Variants in SYNE1 observed in about 807,000 individuals in gnomAD.
The protein encoded by SYNE1 is nesprin-1.
In SYNE1, 616 loss-of-function variants were observed where a neutral mutation model predicts 1,111.0. That is an observed-to-expected ratio of 0.55 (90% CI 0.52 to 0.59). The LOEUF (loss-of-function observed/expected upper bound fraction) is 0.59, where lower values mean the gene tolerates loss of function less well. Ranked by LOEUF, SYNE1 falls within the 20% of genes least tolerant of loss-of-function variation. The pLI, the probability that SYNE1 is intolerant of heterozygous loss-of-function variation, is 0.00. For synonymous variants in SYNE1, 3,855 were observed against 3,825.8 expected (o/e 1.01, Z -0.28); for missense variants, 10,006 against 10,417.0 (o/e 0.96, Z 1.72).
At chr6:152,251,510 G>A (rs1454409499) in intron 104 of SYNE1, among the ~76,000 whole-genome samples, 1 of 151,974 alleles carries the variant, frequency 6.6e-6, no homozygotes, top group Non-Finnish European at 1.5e-5. Flanking sequence ...TGTAATCCCA[G>A]CACTTTGGGA....
chr6:152,401,341 A>G lies in SYNE1; in HGVS notation c.6826T>C (p.Phe2276Leu). 1 of 1,613,182 alleles carries G rather than the reference A, an allele frequency of 6.2e-7. No homozygotes were observed. Among genetic ancestry groups the G allele is most frequent in the East Asian group, 2.2e-5 (1 of 44,866 alleles). The part of the protein sequence containing the change: ...KNLETPPDLQ[F>L]IEADLMQKLE... Reference sequence around the variant, plus strand: ...TTCTGCATTAAGTCTGCTTCTATAAACTAAATATCAAGCAAGATTTCATCA... The same window carrying G: ...TTCTGCATTAAGTCTGCTTCTATAAGCTAAATATCAAGCAAGATTTCATCA... The change falls in exon 47 of 146, where the codon TTT (phenylalanine) becomes CTT (leucine). Residue 2276 changes from phenylalanine (F) to leucine (L), a missense_variant and splice_region_variant. Phe to Leu is a conservative substitution (Grantham distance 22, BLOSUM62 0). Around this residue, in one of 7 missense-constraint regions of SYNE1, gnomAD observed 4,955 missense variants for 5,017.2 expected, o/e 0.99. Coordinates refer to ENST00000367255, the MANE Select transcript of SYNE1 (RefSeq NM_182961.4).
intron 6 of SYNE1, among the ~76,000 whole-genome samples, chr6:152,514,035 G>A (rs767720186): frequency 1.2e-4 from 18 of 152,184 alleles, no homozygotes; most frequent in Admixed American, 4.6e-4. Context: ...TGGTGGGAGT[G>A]TAAATTAGTT....
intron 23 of SYNE1, 81 bp from the exon 24 acceptor site, chr6:152,455,671 T>TA: frequency 6.4e-7 from 1 of 1,573,516 alleles, no homozygotes; most frequent in Non-Finnish European, 8.7e-7. Context: ...ATTATTCATT[T>TA]AAAAAGCACT....
intron 3 of SYNE1, among the ~76,000 whole-genome samples, chr6:152,565,053 T>C (rs894176285): frequency 6.6e-6 from 1 of 152,254 alleles, no homozygotes; most frequent in Non-Finnish European, 1.5e-5. Flanking sequence ...AGCAATTAAC[T>C]TCTCTTAAGG....
At chr6:152,525,995 C>A (rs1332447893) in intron 5 of SYNE1, 85 bp downstream of exon 5, 2 of 1,234,860 alleles carry the variant, frequency 1.6e-6, no homozygotes, top group Non-Finnish European at 2.4e-6. Context: ...ACCTGGGCAG[C>A]ACATCTTAGC....
intron 59 of SYNE1, among the ~76,000 whole-genome samples, chr6:152,372,833 A>G (rs1449539721): frequency 6.6e-6 from 1 of 152,222 alleles, no homozygotes; most frequent in Non-Finnish European, 1.5e-5. Context: ...CCTAACATGC[A>G]GGAAGCTACT....
intron 3 of SYNE1, among the ~76,000 whole-genome samples, chr6:152,589,292 C>T (rs116764864): frequency 0.022 from 3,320 of 152,166 alleles, 129 homozygotes; most frequent in African/African-American, 0.076. Flanking sequence ...ATGAAATATA[C>T]TATTATTAGT....
chr6:152,489,826 G>C (rs939370506), intron 11 of SYNE1, among the ~76,000 whole-genome samples: 1 of 152,108 alleles, frequency 6.6e-6, no homozygotes, highest in Non-Finnish European at 1.5e-5. Context: ...CATCTGAGGG[G>C]CTTATAAAAA....
chr6:152,456,441 C>T (rs2098696655), intron 22 of SYNE1, among the ~76,000 whole-genome samples: 1 of 151,636 alleles, frequency 6.6e-6, no homozygotes, highest in East Asian at 1.9e-4. Context: ...TTTAATGTGA[C>T]TAAACAAATT....
intron 95 of SYNE1, among the ~76,000 whole-genome samples, 157 bp downstream of exon 95, chr6:152,293,431 C>G (rs898540385): frequency 2.6e-5 from 4 of 152,150 alleles, no homozygotes; most frequent in African/African-American, 9.7e-5. Flanking sequence ...GTAGAAATGA[C>G]CACCATTAGG....
intron 14 of SYNE1, among the ~76,000 whole-genome samples, chr6:152,477,393 C>G (rs1390108083): frequency 6.6e-6 from 1 of 151,966 alleles, no homozygotes; most frequent in Non-Finnish European, 1.5e-5. Flanking sequence ...TAGTAAAGGC[C>G]TTAAAGAGAT....
intron 75 of SYNE1, among the ~76,000 whole-genome samples, chr6:152,338,580 C>T (rs1419157659): frequency 6.6e-6 from 1 of 152,192 alleles, no homozygotes; most frequent in Non-Finnish European, 1.5e-5. Flanking sequence ...ATGATAACGC[C>T]ACTGCACTCC....
chr6:152,408,234 T>A (rs1450548935), intron 44 of SYNE1, among the ~76,000 whole-genome samples: 1 of 152,224 alleles, frequency 6.6e-6, no homozygotes, highest in Non-Finnish European at 1.5e-5. Context: ...ATCACTGAAT[T>A]TTTTAGCTGG....
intron 59 of SYNE1, among the ~76,000 whole-genome samples, chr6:152,371,835 CAGGACAGGACAGGAAAGGAA>C: frequency 5.6e-5 from 3 of 53,254 alleles, no homozygotes; most frequent in African/African-American, 2.1e-4. Context: ...AAGGACAGGA[CAGGACAGGACAGGAAAGGAA>C]AGGAAAGGAA....
intron 108 of SYNE1, among the ~76,000 whole-genome samples, chr6:152,237,835 T>A (rs954577239): frequency 2.6e-5 from 4 of 151,888 alleles, no homozygotes; most frequent in African/African-American, 9.7e-5. Context: ...AAACACTTTT[T>A]AAAAGATCAG....
In SYNE1 at chr6:152,553,536, C is replaced by A. The variant is rs76795764; in HGVS notation, c.68-13515G>T. 8.4e-3 allele frequency among the ~76,000 whole-genome samples: 1,282 copies of A among 152,234 alleles called. 18 individuals are homozygous for A. The highest frequency in any genetic ancestry group is 0.029 in the African/African-American group (1,219 of 41,534). On this transcript the variant is annotated intron_variant, in intron 3 of 145. Transcript: ENST00000367255. Reference sequence around the variant, plus strand: ...GATGCTCAGTTATCTTCCCGAGCTACAAACTATAAAGAGTTCTCCTATCCA... The same window carrying A: ...GATGCTCAGTTATCTTCCCGAGCTAAAAACTATAAAGAGTTCTCCTATCCA...
intron 78 of SYNE1, among the ~76,000 whole-genome samples, chr6:152,327,733 T>C (rs1296778414): frequency 2.6e-5 from 4 of 152,178 alleles, no homozygotes; most frequent in Non-Finnish European, 5.9e-5. Context: ...TCTTAGTAGA[T>C]TTAAGAGTTT....
In SYNE1 at chr6:152,256,657, C is replaced by A; in HGVS notation, c.19081G>T (p.Ala6361Ser). 1 of 1,613,814 alleles carries A rather than the reference C, an allele frequency of 6.2e-7. No homozygotes were observed. Among genetic ancestry groups the A allele is most frequent in the Non-Finnish European group, 8.5e-7 (1 of 1,179,850 alleles). The part of the protein sequence containing the change: ...VTSLLDGLNQ[A>S]FEEVSSQSGG... ...ACCTGGGATGAAACCTCCTCGAAGG[C>A]TTGGTTCAGTCCATCCAGCAAAGAT... is the stretch of plus-strand genomic sequence containing the variant. Residue 6361 changes from alanine to serine, a missense_variant, in exon 102 of 146, where the codon GCC becomes TCC. Coordinates refer to ENST00000367255, the MANE Select transcript of SYNE1 (RefSeq NM_182961.4).
intron 20 of SYNE1, 143 bp from the exon 21 acceptor site, chr6:152,461,883 G>C: frequency 9.6e-7 from 1 of 1,044,458 alleles, no homozygotes; most frequent in Non-Finnish European, 1.4e-6. Context: ...TCCAGTTTTT[G>C]CTTCCCTTCA....
Sources: gnomAD v4.1 joint callset for allele counts (sites outside exome capture counted in the v4.1 genomes callset) on GRCh38, gnomAD v4.1.1 for gene constraint, gnomAD v4.1.1 regional missense constraint, MANE v1.5 for transcripts, NCBI Gene and HGNC (gene_info 2026-07-23, HGNC 2026-07-21) for gene names.